Variants in CSMD1 observed in about 807,000 individuals in gnomAD.
CSMD1 encodes the protein CUB and sushi domain-containing protein 1.
CSMD1 carries 213 observed loss-of-function variants against 417.5 expected under a neutral mutation model. The ratio of observed to expected loss-of-function variants is 0.51; its 90% confidence interval spans 0.46 to 0.57. CSMD1 has a LOEUF of 0.57. CSMD1 is among the 20% of genes least tolerant of loss of function. The pLI, the probability that CSMD1 is intolerant of heterozygous loss-of-function variation, is 0.00. For synonymous variants in CSMD1, 2,862 were observed against 1,736.8 expected, an observed-to-expected ratio of 1.65 and a Z score of -16.11; for missense variants, 6,923 against 4,529.7, an observed-to-expected ratio of 1.53 and a Z score of -15.17.
intron 26 of CSMD1, among the ~76,000 whole-genome samples, chr8:3,281,544 C>T (rs1802738764): frequency 6.6e-6 from 1 of 152,130 alleles, no homozygotes; most frequent in Admixed American, 6.5e-5. Flanking sequence ...AGACCTGGAG[C>T]TTGAAAGTGT....
chr8:4,075,468 C>G (rs1004704490), intron 3 of CSMD1, among the ~76,000 whole-genome samples: 2 of 152,052 alleles, frequency 1.3e-5, no homozygotes, highest in Non-Finnish European at 2.9e-5. Context: ...GTCCAAATCT[C>G]TTGTTACAGG....
chr8:4,637,601 A>G lies in CSMD1; in HGVS notation c.86-43T>C, dbSNP rs1056326942. On this transcript the variant is annotated intron_variant, in intron 1 of 69. Coordinates refer to ENST00000635120, the MANE Select transcript of CSMD1 (RefSeq NM_033225.6). ...CACAAAAAAGCATATTATTCTGGCCATCTTTAATCTGTGATTTAAAAAATT... is the reference window on the plus strand; with the variant it reads ...CACAAAAAAGCATATTATTCTGGCCGTCTTTAATCTGTGATTTAAAAAATT... 7 of 1,221,342 alleles carry G rather than the reference A, an allele frequency of 5.7e-6. No homozygotes were observed. In the Admixed American group the frequency reaches 1.6e-4, roughly 28 times the overall value. The allele number at this position is 1,221,342 out of a possible 1,614,324, so 75.7% of individuals were successfully genotyped here. A position where few individuals can be genotyped will look rare whatever the true frequency, so the allele number is the denominator to read the frequency against.
At chr8:3,990,817 G>A (rs899202973) in intron 5 of CSMD1, among the ~76,000 whole-genome samples, 8 of 152,016 alleles carry the variant, frequency 5.3e-5, no homozygotes, top group Admixed American at 2.0e-4. Context: ...TAATTCCTAG[G>A]GTATACGCTC....
chr8:3,356,147 C>G (rs1000184187), intron 21 of CSMD1, among the ~76,000 whole-genome samples: 3 of 152,188 alleles, frequency 2.0e-5, no homozygotes, highest in African/African-American at 7.2e-5. Context: ...CAGTCGACAT[C>G]CTTAGGTGTC....
intron 3 of CSMD1, among the ~76,000 whole-genome samples, chr8:4,365,337 G>A (rs1249085530): frequency 1.3e-5 from 2 of 152,296 alleles, no homozygotes; most frequent in East Asian, 1.9e-4. Context: ...TAATTGAAAT[G>A]CTAAGATTAT....
chr8:3,291,836 C>T (rs1198283758), intron 25 of CSMD1, among the ~76,000 whole-genome samples: 1 of 152,104 alleles, frequency 6.6e-6, no homozygotes, highest in East Asian at 1.9e-4. Flanking sequence ...TTCAGTTCTG[C>T]TCCGATCTTA....
At chr8:3,160,183 G>A (rs1213306288) in intron 38 of CSMD1, among the ~76,000 whole-genome samples, 2 of 151,982 alleles carry the variant, frequency 1.3e-5, no homozygotes, top group African/African-American at 4.8e-5. Context: ...GAGTGCAGTG[G>A]TGCAATCTCG....
chr8:4,733,825 T>C lies in CSMD1; in HGVS notation c.86-96267A>G, dbSNP rs555426215. Among the ~76,000 whole-genome samples the C allele has an allele frequency of 8.0e-4, 122 of 152,326 alleles. 1 individual carries two copies. Among genetic ancestry groups the C allele is most frequent in the African/African-American group, 2.8e-3 (118 of 41,584 alleles). On this transcript the variant is annotated intron_variant, in intron 1 of 69. Transcript: ENST00000635120. ...TACTAAATTATGGAAAACTGCCTTATTTTATTATCACTGACCATTACAAGA... is the reference window on the plus strand; with the variant it reads ...TACTAAATTATGGAAAACTGCCTTACTTTATTATCACTGACCATTACAAGA...
At chr8:4,627,027 A>G (rs1802159033) in intron 2 of CSMD1, among the ~76,000 whole-genome samples, 2 of 152,168 alleles carry the variant, frequency 1.3e-5, no homozygotes, top group Admixed American at 6.5e-5. Context: ...GTAATATTAT[A>G]TTCCTTTTTT....
chr8:3,108,451 A>C (rs1387549584), intron 44 of CSMD1, among the ~76,000 whole-genome samples, 152 bp downstream of exon 44: 3 of 152,166 alleles, frequency 2.0e-5, no homozygotes, highest in Admixed American at 6.5e-5. Flanking sequence ...CAAAAAAAGG[A>C]CCACAGGAAA....
At position 4,796,290 on chromosome 8, in the gene CSMD1, G is replaced by A. The variant is rs116828766; in HGVS notation, c.86-158732C>T. Among the ~76,000 whole-genome samples, 924 of 152,122 alleles carry A rather than the reference G, an allele frequency of 6.1e-3. 11 individuals are homozygous for A. The highest frequency in any genetic ancestry group is 0.021 in the African/African-American group (890 of 41,504). On this transcript the variant is annotated intron_variant, in intron 1 of 69. Coordinates refer to ENST00000635120, the MANE Select transcript of CSMD1 (RefSeq NM_033225.6). ...AAGGAGCTGGCCAGAGGATTTGGCA[G>A]AAGGCATTCCATGGAGATGAGATGA...
At chr8:4,184,138 A>G (rs1798534144) in intron 3 of CSMD1, among the ~76,000 whole-genome samples, 1 of 152,252 alleles carries the variant, frequency 6.6e-6, no homozygotes, top group African/African-American at 2.4e-5. Context: ...TCATTAAAAT[A>G]TATAAATGCA....
chr8:4,279,136 G>C (rs903238356), intron 3 of CSMD1, among the ~76,000 whole-genome samples: 1 of 151,958 alleles, frequency 6.6e-6, no homozygotes, highest in Non-Finnish European at 1.5e-5. Context: ...GAGCATCTCC[G>C]TTTAGACGTG....
In CSMD1 at chr8:4,168,106, G is replaced by A. The variant is rs531748970; in HGVS notation, c.416-136007C>T. ...ATCGCACCACTGCTCTCCAGCTTGG[G>A]AAAGAGAGCAAGGCTCTGTCTCAAA... On this transcript the variant is annotated intron_variant, in intron 3 of 69. Coordinates refer to ENST00000635120, the MANE Select transcript of CSMD1 (RefSeq NM_033225.6). 1.4e-4 allele frequency among the ~76,000 whole-genome samples: 21 copies of A among 151,482 alleles called. No individual in the cohort carries two copies. The South Asian group carries it at 4.4e-3, about 31-fold the overall frequency.
chr8:3,983,736 C>G (rs924530820), intron 5 of CSMD1, among the ~76,000 whole-genome samples: 1 of 152,214 alleles, frequency 6.6e-6, no homozygotes, highest in African/African-American at 2.4e-5. Flanking sequence ...AGATGTTCCC[C>G]TAGTCTGGTA....
intron 3 of CSMD1, among the ~76,000 whole-genome samples, chr8:4,299,956 C>G (rs1585186353): frequency 6.6e-6 from 1 of 152,096 alleles, no homozygotes; most frequent in Non-Finnish European, 1.5e-5. Flanking sequence ...GTTATAAATA[C>G]TATTTGTTGA....
At chr8:4,587,771 A>G (rs1417872328) in intron 2 of CSMD1, among the ~76,000 whole-genome samples, 5 of 152,186 alleles carry the variant, frequency 3.3e-5, no homozygotes, top group Admixed American at 2.6e-4. Context: ...ATGCTAACAC[A>G]AGCACTTTTC....
In CSMD1 at chr8:4,620,024, T is replaced by C. The variant is rs573580548; in HGVS notation, c.302+17318A>G. Among the ~76,000 whole-genome samples, 4 of 152,162 alleles carry C rather than the reference T, an allele frequency of 2.6e-5. No individual in the cohort carries two copies. In the East Asian group the frequency reaches 7.7e-4, roughly 29 times the overall value. On this transcript the variant is annotated intron_variant, in intron 2 of 69. Transcript: ENST00000635120. ...CTTAAGCATTGATTTTATATATGCA[T>C]TTTATAAAATTAGAATAGTATGGTG...
intron 37 of CSMD1, among the ~76,000 whole-genome samples, chr8:3,175,904 T>A (rs941179316): frequency 6.6e-6 from 1 of 152,178 alleles, no homozygotes; most frequent in South Asian, 2.1e-4. Flanking sequence ...AAACCTTACA[T>A]AGAATTACTT....
Sources: gnomAD v4.1 joint callset for allele counts (sites outside exome capture counted in the v4.1 genomes callset) on GRCh38, gnomAD v4.1.1 for gene constraint, MANE v1.5 for transcripts, NCBI Gene and HGNC (gene_info 2026-07-23, HGNC 2026-07-21) for gene names.